Variants in ZNF385D observed in about 807,000 individuals in gnomAD.
ZNF385D encodes the protein zinc finger protein 385D, also known as zinc finger protein 659.
Under a neutral mutation model 35.8 loss-of-function variants are expected in ZNF385D, and 15 were observed. The ratio of observed to expected loss-of-function variants is 0.42; its 90% CI spans 0.28 to 0.64. The LOEUF is 0.64. Ranked by LOEUF, ZNF385D falls within the 30% of genes least tolerant of loss-of-function variation. The pLI is 0.23. For synonymous variants in ZNF385D, 212 were observed against 186.8 expected (o/e 1.13, Z -1.10); for missense variants, 474 against 494.6 (o/e 0.96, Z 0.39).
chr3:21,613,834 C>A (rs1207900571), intron 2 of ZNF385D, among the ~76,000 whole-genome samples: 1 of 152,332 alleles, frequency 6.6e-6, no homozygotes, highest in East Asian at 1.9e-4. Flanking sequence ...TTTACTTGAG[C>A]AATCACTGCC....
intron 7 of ZNF385D, among the ~76,000 whole-genome samples, chr3:21,423,649 T>C (rs1004311441): frequency 3.9e-5 from 6 of 152,196 alleles, no homozygotes; most frequent in African/African-American, 1.4e-4. Context: ...AAATCCAAAA[T>C]TGTTGAGAAT....
At chr3:21,899,062 G>C (rs28369422) in intron 3 of ZNF385D, among the ~76,000 whole-genome samples, 3 of 152,036 alleles carry the variant, frequency 2.0e-5, no homozygotes, top group Non-Finnish European at 4.4e-5. Flanking sequence ...TCAGGAGAAC[G>C]GGATGTTTAT....
intron 3 of ZNF385D, among the ~76,000 whole-genome samples, chr3:21,778,499 C>G (rs2071376679): frequency 6.6e-6 from 1 of 151,840 alleles, no homozygotes. Context: ...GTCTATCAGG[C>G]AAGCTATCAC....
intron 3 of ZNF385D, among the ~76,000 whole-genome samples, chr3:21,527,031 T>C (rs922629622): frequency 6.6e-6 from 1 of 151,054 alleles, no homozygotes; most frequent in Non-Finnish European, 1.5e-5. Flanking sequence ...TTCACTCTTT[T>C]CAAAAAAAAA....
chr3:21,996,455 A>C (rs537317604), intron 3 of ZNF385D, among the ~76,000 whole-genome samples: 1 of 152,228 alleles, frequency 6.6e-6, no homozygotes, highest in African/African-American at 2.4e-5. Flanking sequence ...ATCTATCCAA[A>C]GTGTGGTTAT....
intron 3 of ZNF385D, among the ~76,000 whole-genome samples, chr3:21,869,071 C>T (rs1003367637): frequency 2.6e-5 from 4 of 152,010 alleles, no homozygotes; most frequent in African/African-American, 9.7e-5. Flanking sequence ...CTTACAGCGT[C>T]GGTTTTCCCT....
intron 3 of ZNF385D, among the ~76,000 whole-genome samples, chr3:21,941,420 A>G (rs1259692827): frequency 6.6e-6 from 1 of 152,000 alleles, no homozygotes; most frequent in African/African-American, 2.4e-5. Flanking sequence ...TGAAGCAAAC[A>G]ATGATCTACC....
intron 3 of ZNF385D, among the ~76,000 whole-genome samples, chr3:21,766,867 G>A (rs1559601865): frequency 1.3e-5 from 2 of 152,038 alleles, no homozygotes; most frequent in South Asian, 2.1e-4. Flanking sequence ...CCAGTGTACT[G>A]GAAAGGATTT....
chr3:21,652,558 T>C (rs1233026508), intron 2 of ZNF385D, among the ~76,000 whole-genome samples: 1 of 152,144 alleles, frequency 6.6e-6, no homozygotes, highest in Non-Finnish European at 1.5e-5. Flanking sequence ...TGTGCCATGT[T>C]GGTGTGCTAC....
intron 3 of ZNF385D, among the ~76,000 whole-genome samples, chr3:21,919,248 C>A (rs567967826): frequency 1.3e-5 from 2 of 152,318 alleles, no homozygotes; most frequent in East Asian, 3.9e-4. Flanking sequence ...AGGAACTGAG[C>A]TTGGCACTAG....
At chr3:22,219,815 A>T (rs1242331468) in intron 2 of ZNF385D, among the ~76,000 whole-genome samples, 9 of 152,132 alleles carry the variant, frequency 5.9e-5, no homozygotes, top group Admixed American at 1.3e-4. Flanking sequence ...TCACTAAGTG[A>T]GTTTGGGTAA....
At chr3:21,560,288 TC>T (rs1463510592) in intron 3 of ZNF385D, among the ~76,000 whole-genome samples, 6 of 152,198 alleles carry the variant, frequency 3.9e-5, no homozygotes, top group Non-Finnish European at 8.8e-5. Context: ...CTCCCCATCT[TC>T]GTGGATTCAT....
intron 3 of ZNF385D, among the ~76,000 whole-genome samples, chr3:22,040,902 A>C (rs1324150617): frequency 6.6e-6 from 1 of 151,816 alleles, no homozygotes; most frequent in Non-Finnish European, 1.5e-5. Context: ...TTTGTGGGGG[A>C]AGTTTTATTT....
intron 4 of ZNF385D, among the ~76,000 whole-genome samples, chr3:21,504,738 A>T (rs976591147): frequency 6.6e-6 from 1 of 152,186 alleles, no homozygotes; most frequent in African/African-American, 2.4e-5. Flanking sequence ...AACAATGGAA[A>T]AACAAGGTGT....
intron 2 of ZNF385D, among the ~76,000 whole-genome samples, chr3:22,204,576 G>A (rs189894652): frequency 1.4e-4 from 22 of 151,968 alleles, no homozygotes; most frequent in African/African-American, 2.7e-4. Flanking sequence ...CAGAGAATTC[G>A]AAACAGCTGT....
chr3:21,636,776 T>C (rs551430698), intron 2 of ZNF385D, among the ~76,000 whole-genome samples: 1 of 151,982 alleles, frequency 6.6e-6, no homozygotes, highest in South Asian at 2.1e-4. Flanking sequence ...TTCAATCCAA[T>C]CAAGTTGACA....
At chr3:22,141,546 A>G (rs1704503762) in intron 3 of ZNF385D, among the ~76,000 whole-genome samples, 1 of 152,188 alleles carries the variant, frequency 6.6e-6, no homozygotes, top group African/African-American at 2.4e-5. Context: ...CAATGGAGGA[A>G]AAGACCATCA....
chr3:22,186,682 T>A (rs769033112), intron 2 of ZNF385D, among the ~76,000 whole-genome samples: 13 of 152,302 alleles, frequency 8.5e-5, no homozygotes, highest in Non-Finnish European at 7.3e-5. Flanking sequence ...AATAATTTCC[T>A]ACTGAGATCT....
chr3:22,234,035 T>G, intron 2 of ZNF385D, among the ~76,000 whole-genome samples: 1 of 152,164 alleles, frequency 6.6e-6, no homozygotes, highest in East Asian at 1.9e-4. Context: ...TGAAGCCAGC[T>G]AAAATCTAAG....
Sources: gnomAD v4.1 joint callset for allele counts (sites outside exome capture counted in the v4.1 genomes callset) on GRCh38, gnomAD v4.1.1 for gene constraint, MANE v1.5 for transcripts, NCBI Gene and HGNC (gene_info 2026-07-23, HGNC 2026-07-21) for gene names.